CLEC6A: variants seen among roughly 807,000 people sequenced by gnomAD.
CLEC6A encodes C-type lectin domain family 6 member A.
Under a neutral mutation model 25.7 loss-of-function variants are expected in CLEC6A, and 22 were observed. The ratio of observed to expected loss-of-function variants is 0.85; its 90% confidence interval spans 0.61 to 1.22. The LOEUF (loss-of-function observed/expected upper bound fraction) is 1.22, where lower values mean the gene tolerates loss of function less well. Among genes scored for constraint, CLEC6A ranks in the 50% most tolerant of loss-of-function variants. The pLI is 0.00. For missense variants in CLEC6A, 240 were observed against 236.8 expected (o/e 1.01, Z -0.09); for synonymous variants, 92 against 76.7 (o/e 1.20, Z -1.04).
At chr12:8,470,299 G>A (rs1357145089) in intron 4 of CLEC6A, among the ~76,000 whole-genome samples, 1 of 152,122 alleles carries the variant, frequency 6.6e-6, no homozygotes, top group Non-Finnish European at 1.5e-5. Context: ...TGTTGGTGTA[G>A]AGGTGCTGAA....
At chr12:8,458,484 A>G (rs4388969) in intron 2 of CLEC6A, among the ~76,000 whole-genome samples, 1 of 151,958 alleles carries the variant, frequency 6.6e-6, no homozygotes, top group Non-Finnish European at 1.5e-5. Context: ...CTCCAAATAC[A>G]TGTCTCAAGT....
intron 4 of CLEC6A, among the ~76,000 whole-genome samples, chr12:8,473,530 A>G (rs755263342): frequency 1.3e-5 from 2 of 152,282 alleles, no homozygotes; most frequent in East Asian, 3.9e-4. Flanking sequence ...TACCATTGCA[A>G]TGAACATATG....
chr12:8,457,887 T>C lies in CLEC6A; in HGVS notation c.32-11T>C. The C allele has an allele frequency of 6.2e-7, 1 of 1,610,810 alleles. No homozygotes were observed. The highest frequency in any genetic ancestry group is 8.5e-7 in the Non-Finnish European group (1 of 1,177,026). Reference sequence around the variant, plus strand: ...CTGGTAACTGCATTTGTTGTCTTCCTGATTGGACAGAGAAAAGAGGCTGGT... The same window carrying C: ...CTGGTAACTGCATTTGTTGTCTTCCCGATTGGACAGAGAAAAGAGGCTGGT... On this transcript the variant is annotated splice_polypyrimidine_tract_variant and intron_variant, in intron 1 of 5. Coordinates refer to ENST00000382073, the MANE Select transcript of CLEC6A (RefSeq NM_001007033.2).
intron 3 of CLEC6A, among the ~76,000 whole-genome samples, chr12:8,462,125 T>G (rs1277195164): frequency 2.0e-5 from 3 of 152,104 alleles, no homozygotes; most frequent in African/African-American, 4.8e-5. Context: ...GATTAAGGGC[T>G]GTGCAGGATG....
chr12:8,457,199 C>T (rs4459385), intron 1 of CLEC6A, among the ~76,000 whole-genome samples: 44,632 of 152,004 alleles, frequency 0.29, 6,788 homozygotes, highest in East Asian at 0.47. Flanking sequence ...TTTGTAGGTA[C>T]GAAACAACCC....
chr12:8,460,490 C>T (rs1031407013), intron 3 of CLEC6A: 17 of 605,690 alleles, frequency 2.8e-5, no homozygotes, highest in African/African-American at 1.9e-4. Flanking sequence ...TCTCACAGCA[C>T]GTGGGAATTA....
At chr12:8,466,673 TGAG>T (rs1939834957) in intron 4 of CLEC6A, among the ~76,000 whole-genome samples, 1 of 151,756 alleles carries the variant, frequency 6.6e-6, no homozygotes. Flanking sequence ...TTTTTTTTTT[TGAG>T]ACAGAGTGTC....
intron 1 of CLEC6A, among the ~76,000 whole-genome samples, chr12:8,456,472 C>A (rs1939676104): frequency 6.6e-6 from 1 of 152,084 alleles, no homozygotes; most frequent in African/African-American, 2.4e-5. Context: ...TTTTGAAATC[C>A]AGGAAGCAGT....
chr12:8,476,364 G>T, intron 5 of CLEC6A, 124 bp downstream of exon 5: 2 of 639,182 alleles, frequency 3.1e-6, no homozygotes, highest in Non-Finnish European at 5.5e-6. Context: ...CATTACTAAG[G>T]ATATGCATTA....
chr12:8,464,333 CTT>C (rs763341698), intron 3 of CLEC6A, among the ~76,000 whole-genome samples: 1 of 57,114 alleles, frequency 1.8e-5, no homozygotes, highest in Non-Finnish European at 4.6e-5. Flanking sequence ...CTTTCTTTTT[CTT>C]TTTTTTTTTT....
Position 8,457,890 on chromosome 12 carries a change from T to C in CLEC6A, c.32-8T>C, listed in dbSNP as rs1268418058. On this transcript the variant is annotated splice_polypyrimidine_tract_variant and splice_region_variant and intron_variant, in intron 1 of 5. Transcript: ENST00000382073. ...GTAACTGCATTTGTTGTCTTCCTGA[T>C]TGGACAGAGAAAAGAGGCTGGTTGT... is the stretch of plus-strand genomic sequence containing the variant. 3 of 1,611,422 alleles carry C rather than the reference T, an allele frequency of 1.9e-6. No homozygotes were observed. The highest frequency in any genetic ancestry group is 1.3e-5 in the African/African-American group (1 of 74,868).
At position 8,461,548 on chromosome 12, in the gene CLEC6A, G is replaced by A. The variant is rs78823283; in HGVS notation, c.223+1850G>A. 5.3e-3 allele frequency among the ~76,000 whole-genome samples: 805 copies of A among 152,236 alleles called. 7 individuals carry two copies. Among genetic ancestry groups the A allele is most frequent in the African/African-American group, 0.018 (768 of 41,528 alleles). Reference sequence around the variant, plus strand: ...TCCAATGTAAATGACCAGCCAAGCTGTTCAATACAACTACTTAAAGTTACA... The same window carrying A: ...TCCAATGTAAATGACCAGCCAAGCTATTCAATACAACTACTTAAAGTTACA... On this transcript the variant is annotated intron_variant, in intron 3 of 5. Transcript: ENST00000382073.
intron 3 of CLEC6A, chr12:8,460,528 G>A (rs1345603939): frequency 1.5e-6 from 1 of 666,642 alleles, no homozygotes; most frequent in Non-Finnish European, 2.6e-6. Flanking sequence ...GTGAGATTTG[G>A]GTGGAGACAG....
chr12:8,477,171 A>G (rs747830292), intron 5 of CLEC6A, 149 bp from the exon 6 acceptor site: 3 of 609,182 alleles, frequency 4.9e-6, no homozygotes, highest in South Asian at 5.2e-5. Flanking sequence ...ATACTTGAGG[A>G]TTTGAGGAGA....
In CLEC6A at chr12:8,457,934, T is replaced by C. The variant is rs1565481173; in HGVS notation, c.68T>C (p.Val23Ala). ...RGWLSLRLWS[V>A]AGISIALLSA... ...TGGTTGTCCCTGAGACTCTGGTCTG[T>C]GGCTGGGATTTCCATTGCACTCCTC... is the stretch of plus-strand genomic sequence containing the variant. The change falls in exon 2 of 6, where the codon GTG becomes GCG. Residue 23 changes from valine (V) to alanine (A), a missense_variant. Val to Ala is a moderately conservative substitution (Grantham distance 64). Coordinates refer to ENST00000382073, the MANE Select transcript of CLEC6A (RefSeq NM_001007033.2). 6.2e-7 allele frequency: 1 copy of C among 1,614,168 alleles called. No individual in the cohort carries two copies. Among genetic ancestry groups the C allele is most frequent in the Non-Finnish European group, 8.5e-7 (1 of 1,179,990 alleles).
chr12:8,477,504 T>C lies in CLEC6A; in HGVS notation c.*40T>C. 2.0e-6 allele frequency: 3 copies of C among 1,520,410 alleles called. No homozygotes were observed. The highest frequency in any genetic ancestry group is 2.7e-6 in the Non-Finnish European group (3 of 1,126,714). 94.2% of individuals were successfully genotyped at this position (1,520,410 alleles called of 1,614,324 possible). A position where few individuals can be genotyped will look rare whatever the true frequency, so the allele number is the denominator to read the frequency against. On this transcript the variant is annotated 3_prime_UTR_variant, in exon 6 of 6. Coordinates refer to ENST00000382073, the MANE Select transcript of CLEC6A (RefSeq NM_001007033.2). ...GGAAAGAAGAGAAGAATTACTGACG[T>C]AATTTTTTCCCTGACGTCTTTAAAA... is the stretch of plus-strand genomic sequence containing the variant.
intron 3 of CLEC6A, among the ~76,000 whole-genome samples, chr12:8,460,331 A>G (rs866436849): frequency 2.0e-5 from 3 of 152,238 alleles, no homozygotes; most frequent in Non-Finnish European, 2.9e-5. Flanking sequence ...CACATCTCAC[A>G]TGGCAGCAGA....
chr12:8,458,762 G>C (rs1939712844), intron 2 of CLEC6A, among the ~76,000 whole-genome samples: 1 of 152,110 alleles, frequency 6.6e-6, no homozygotes, highest in South Asian at 2.1e-4. Context: ...TTTAAGAATA[G>C]TTATTTCATA....
intron 4 of CLEC6A, among the ~76,000 whole-genome samples, chr12:8,468,471 A>G (rs113914851): frequency 0.012 from 1,762 of 152,130 alleles, 31 homozygotes; most frequent in African/African-American, 0.04. Context: ...TATTTGGATA[A>G]TTTTTTTCTC....
Sources: allele counts gnomAD v4.1 joint callset (sites outside exome capture counted in the v4.1 genomes callset), GRCh38; gene constraint gnomAD v4.1.1; transcripts MANE v1.5; gene names NCBI Gene and HGNC (gene_info 2026-07-23, HGNC 2026-07-21).